Variants in CEP63 observed in about 807,000 individuals in gnomAD.
The protein encoded by CEP63 is centrosomal protein of 63 kDa.
A neutral mutation model predicts 89.1 loss-of-function variants in CEP63; 84 were observed. That is an observed-to-expected ratio of 0.94 (90% CI 0.79 to 1.13). The LOEUF is 1.13. Among genes scored for constraint, CEP63 ranks in the 50% most tolerant of loss-of-function variants. CEP63 has a pLI of 0.00. For synonymous variants in CEP63, 267 were observed against 272.5 expected (o/e 0.98, Z 0.20); for missense variants, 838 against 813.3 (o/e 1.03, Z -0.37).
At chr3:134,598,645 T>C in the CEP63 span, among the ~76,000 whole-genome samples, 1 of 151,402 alleles carries the variant, frequency 6.6e-6, no homozygotes, top group African/African-American at 2.4e-5. Flanking sequence ...GAAGGTGGAG[T>C]TGGGAGAGCA....
chr3:134,747,110 G>T, the CEP63 span, among the ~76,000 whole-genome samples: 1 of 144,234 alleles, frequency 6.9e-6, no homozygotes, highest in African/African-American at 2.5e-5. Context: ...TAAGGTATAA[G>T]GAAGAGATCC....
intron 10 of CEP63, among the ~76,000 whole-genome samples, chr3:134,584,700 G>T (rs1958440271): frequency 6.6e-6 from 1 of 152,150 alleles, no homozygotes; most frequent in Non-Finnish European, 1.5e-5. Context: ...CATAAAATGA[G>T]TTAGGGAGGA....
At chr3:134,670,390 C>A in the CEP63 span, among the ~76,000 whole-genome samples, 1 of 152,138 alleles carries the variant, frequency 6.6e-6, no homozygotes, top group Non-Finnish European at 1.5e-5. Flanking sequence ...AGGAAATGCT[C>A]TGGGGGAATC....
At position 134,507,247 on chromosome 3, in the gene CEP63, TAA is replaced by T; in HGVS notation, c.184_185del (p.Lys62GlufsTer3). The T allele has an allele frequency of 1.9e-6, 3 of 1,613,834 alleles. No individual in the cohort carries two copies. The highest frequency in any genetic ancestry group is 2.5e-6 in the Non-Finnish European group (3 of 1,179,844). Reference sequence around the variant, plus strand: ...GCTTGAAAATCCGTGAACAGGAACTTAAGAGTCTTAGGAGTCAGTTGGATGTG... The same window carrying T: ...GCTTGAAAATCCGTGAACAGGAACTTGAGTCTTAGGAGTCAGTTGGATGTG... ...TCLKIREQEL[K>X]SLRSQLDVTH... On this transcript the variant is annotated frameshift_variant, in exon 3 of 15. Transcript: ENST00000675561. LOFTEE classifies it high-confidence loss of function.
intron 12 of CEP63, among the ~76,000 whole-genome samples, chr3:134,557,624 A>G (rs142378640): frequency 1.0e-3 from 158 of 152,166 alleles, no homozygotes; most frequent in Admixed American, 2.0e-3. Flanking sequence ...CTGCTTTATC[A>G]TGTCCAAATT....
chr3:134,726,356 A>G, the CEP63 span, among the ~76,000 whole-genome samples: 2 of 151,874 alleles, frequency 1.3e-5, no homozygotes, highest in Non-Finnish European at 2.9e-5. Context: ...TGACATTTTA[A>G]TCCCCCAGAA....
the CEP63 span, among the ~76,000 whole-genome samples, chr3:134,640,924 A>G: frequency 2.0e-5 from 3 of 152,110 alleles, no homozygotes; most frequent in African/African-American, 4.8e-5. Context: ...ACAACCATCT[A>G]ATGGTTTCCA....
chr3:134,627,480 G>C, the CEP63 span, among the ~76,000 whole-genome samples: 11 of 152,102 alleles, frequency 7.2e-5, no homozygotes, highest in Non-Finnish European at 1.2e-4. Flanking sequence ...CCTGAATTAC[G>C]ATTTTAATAT....
At chr3:134,626,089 C>CCAAG in the CEP63 span, among the ~76,000 whole-genome samples, 7 of 152,180 alleles carry the variant, frequency 4.6e-5, no homozygotes, top group African/African-American at 7.2e-5. Context: ...CCTTTCTTAA[C>CCAAG]CAAGGGTCCC....
chr3:134,603,289 G>A, the CEP63 span: 1 of 288,544 alleles, frequency 3.5e-6, no homozygotes, highest in East Asian at 6.2e-5. Context: ...ACTAATACGA[G>A]AAGGGGCATC....
intron 3 of CEP63, among the ~76,000 whole-genome samples, chr3:134,526,117 G>A (rs576643270): frequency 6.6e-6 from 1 of 152,202 alleles, no homozygotes; most frequent in East Asian, 1.9e-4. Flanking sequence ...TATCTTGGGG[G>A]TTTTATTCAT....
chr3:134,705,901 T>C, the CEP63 span, among the ~76,000 whole-genome samples: 2 of 152,210 alleles, frequency 1.3e-5, no homozygotes, highest in African/African-American at 2.4e-5. Flanking sequence ...CTTACATAAC[T>C]TTCTGTGTGT....
chr3:134,751,674 G>A, the CEP63 span, among the ~76,000 whole-genome samples: 1 of 152,134 alleles, frequency 6.6e-6, no homozygotes, highest in Non-Finnish European at 1.5e-5. Context: ...GTGGCTGGGG[G>A]AAGGGGTAGG....
At chr3:134,565,776 T>TA (rs530861293), downstream of CEP63, among the ~76,000 whole-genome samples, 1,587 of 130,506 alleles carry the variant, frequency 0.012, 24 homozygotes, top group South Asian at 0.079. Context: ...GCCCATAAGA[T>TA]AAAAAAAAAA....
chr3:134,595,558 C>CT, the CEP63 span, among the ~76,000 whole-genome samples: 1 of 152,074 alleles, frequency 6.6e-6, no homozygotes, highest in Admixed American at 6.5e-5. Flanking sequence ...ACTAGCTAGT[C>CT]ATGACACTCT....
the CEP63 span, among the ~76,000 whole-genome samples, chr3:134,638,032 C>G: frequency 6.6e-6 from 1 of 152,302 alleles, no homozygotes; most frequent in East Asian, 1.9e-4. Context: ...GGTTCTCCCC[C>G]AAAGCTGTGC....
At chr3:134,709,003 G>A in the CEP63 span, among the ~76,000 whole-genome samples, 1 of 152,296 alleles carries the variant, frequency 6.6e-6, no homozygotes, top group East Asian at 1.9e-4. Flanking sequence ...CTTCATAGGG[G>A]TTGTCACTTG....
the CEP63 span, among the ~76,000 whole-genome samples, chr3:134,762,724 G>A: frequency 6.6e-6 from 1 of 152,178 alleles, no homozygotes; most frequent in African/African-American, 2.4e-5. Flanking sequence ...GATTTCAGAT[G>A]TCTAGCCTCC....
chr3:134,614,737 T>A, the CEP63 span, among the ~76,000 whole-genome samples: 38 of 152,342 alleles, frequency 2.5e-4, no homozygotes, highest in African/African-American at 8.9e-4. Flanking sequence ...TATTATTTTA[T>A]ACTGAGATGG....
Sources: gnomAD v4.1 joint callset for allele counts (sites outside exome capture counted in the v4.1 genomes callset) on GRCh38, gnomAD v4.1.1 for gene constraint, MANE v1.5 for transcripts, NCBI Gene and HGNC (gene_info 2026-07-23, HGNC 2026-07-21) for gene names.